CSMD1: variants seen among roughly 807,000 people sequenced by gnomAD.
CSMD1 encodes the protein CUB and sushi domain-containing protein 1.
CSMD1 carries 213 observed loss-of-function variants against 417.5 expected under a neutral mutation model. The observed-to-expected ratio is 0.51, with a 90% confidence interval of 0.46 to 0.57. The LOEUF is 0.57. Among genes scored for constraint, CSMD1 ranks in the 20% least tolerant of loss-of-function variants. The pLI is 0.00. For missense variants in CSMD1, 6,923 were observed against 4,529.7 expected (o/e 1.53, Z -15.17); for synonymous variants, 2,862 against 1,736.8 (o/e 1.65, Z -16.11).
chr8:3,017,160 G>C (rs13276110), intron 52 of CSMD1, among the ~76,000 whole-genome samples: 104 of 152,224 alleles, frequency 6.8e-4, no homozygotes, highest in African/African-American at 2.4e-3. Flanking sequence ...ATTACTAATA[G>C]AGATGTGGTA....
chr8:3,584,243 G>C (rs2116989043), intron 9 of CSMD1, among the ~76,000 whole-genome samples: 1 of 152,264 alleles, frequency 6.6e-6, no homozygotes, highest in Non-Finnish European at 1.5e-5. Flanking sequence ...GATTGACAAA[G>C]CCAGGCACTC....
At chr8:4,487,939 G>T (rs1801498261) in intron 2 of CSMD1, among the ~76,000 whole-genome samples, 2 of 152,158 alleles carry the variant, frequency 1.3e-5, no homozygotes, top group Admixed American at 1.3e-4. Context: ...CTGTGTCGTA[G>T]ACTGAATGTT....
intron 1 of CSMD1, among the ~76,000 whole-genome samples, chr8:4,754,333 T>G (rs1363255499): frequency 6.6e-6 from 1 of 152,202 alleles, no homozygotes; most frequent in African/African-American, 2.4e-5. Flanking sequence ...ACATTCAACT[T>G]GAAACCTTGT....
intron 1 of CSMD1, among the ~76,000 whole-genome samples, chr8:4,885,495 G>A (rs1467105026): frequency 6.6e-6 from 1 of 151,960 alleles, no homozygotes; most frequent in Non-Finnish European, 1.5e-5. Context: ...TTATCAAGTT[G>A]AGAAACACCA....
At chr8:2,979,837 A>C (rs1805256604) in intron 54 of CSMD1, among the ~76,000 whole-genome samples, 1 of 152,266 alleles carries the variant, frequency 6.6e-6, no homozygotes, top group Non-Finnish European at 1.5e-5. Flanking sequence ...AAGCCAAAAC[A>C]AACAAAAAGC....
At chr8:4,586,694 G>A (rs375157226) in intron 2 of CSMD1, among the ~76,000 whole-genome samples, 4 of 151,806 alleles carry the variant, frequency 2.6e-5, no homozygotes, top group African/African-American at 7.3e-5. Context: ...ATGAAATACC[G>A]CCACACCATA....
intron 49 of CSMD1, among the ~76,000 whole-genome samples, chr8:3,058,819 T>C (rs1446855992): frequency 6.6e-6 from 1 of 152,046 alleles, no homozygotes; most frequent in African/African-American, 2.4e-5. Flanking sequence ...ACACCTGCTA[T>C]ATAATTCCCC....
At chr8:3,310,150 T>G (rs1312018780) in intron 23 of CSMD1, among the ~76,000 whole-genome samples, 1 of 152,224 alleles carries the variant, frequency 6.6e-6, no homozygotes, top group Non-Finnish European at 1.5e-5. Flanking sequence ...ACCTCCGGTT[T>G]CAGGGTCATT....
intron 5 of CSMD1, among the ~76,000 whole-genome samples, chr8:3,810,382 T>C (rs552825953): frequency 1.3e-5 from 2 of 152,312 alleles, no homozygotes; most frequent in East Asian, 1.9e-4. Flanking sequence ...TTGGGAAATA[T>C]GGTGACCCTT....
At chr8:4,179,980 G>T (rs910131364) in intron 3 of CSMD1, among the ~76,000 whole-genome samples, 19 of 152,094 alleles carry the variant, frequency 1.2e-4, no homozygotes, top group African/African-American at 4.6e-4. Flanking sequence ...ACTGTTAGTG[G>T]GACTGTAAAC....
chr8:3,853,501 C>T (rs929028711), intron 5 of CSMD1, among the ~76,000 whole-genome samples: 1 of 152,166 alleles, frequency 6.6e-6, no homozygotes, highest in African/African-American at 2.4e-5. Flanking sequence ...AGACACTTCT[C>T]AAGCATCAAT....
In CSMD1 at chr8:4,284,790, C is replaced by T. The variant is rs181379559; in HGVS notation, c.415+135163G>A. ...CTTGCCTGGCTCTTTCCAAAAACCA[C>T]ACATATTTTACAAACTTCAATATAT... On this transcript the variant is annotated intron_variant, in intron 3 of 69. Transcript: ENST00000635120. 3.4e-3 allele frequency among the ~76,000 whole-genome samples: 521 copies of T among 152,186 alleles called. 4 individuals are homozygous for T. The highest frequency in any genetic ancestry group is 0.012 in the African/African-American group (495 of 41,498).
At chr8:4,257,700 G>A (rs1020433194) in intron 3 of CSMD1, among the ~76,000 whole-genome samples, 3 of 152,278 alleles carry the variant, frequency 2.0e-5, no homozygotes, top group Admixed American at 6.5e-5. Flanking sequence ...GGATTCTAAC[G>A]TCAGTGTCAC....
At chr8:4,657,286 T>C (rs1257045142) in intron 1 of CSMD1, among the ~76,000 whole-genome samples, 1 of 152,206 alleles carries the variant, frequency 6.6e-6, no homozygotes, top group East Asian at 1.9e-4. Flanking sequence ...GTAAAAAGCC[T>C]GGCGAAGTGT....
chr8:3,908,836 G>C (rs143482580), intron 5 of CSMD1, among the ~76,000 whole-genome samples: 1 of 152,146 alleles, frequency 6.6e-6, no homozygotes, highest in East Asian at 1.9e-4. Flanking sequence ...GAGGACCAAC[G>C]ACATTTTGAC....
intron 38 of CSMD1, among the ~76,000 whole-genome samples, chr8:3,161,609 C>T (rs952681129): frequency 3.1e-5 from 4 of 127,630 alleles, no homozygotes; most frequent in Admixed American, 9.7e-5. Flanking sequence ...GGTGACAGAG[C>T]GAGACTCCCT....
chr8:3,875,082 G>A (rs766027637), intron 5 of CSMD1, among the ~76,000 whole-genome samples: 2 of 151,898 alleles, frequency 1.3e-5, no homozygotes, highest in Non-Finnish European at 1.5e-5. Flanking sequence ...ACAGAAAGGT[G>A]CCTGGGGACC....
At chr8:3,886,885 G>A (rs1019681456) in intron 5 of CSMD1, among the ~76,000 whole-genome samples, 1 of 152,250 alleles carries the variant, frequency 6.6e-6, no homozygotes, top group Admixed American at 6.5e-5. Flanking sequence ...GCTCTCGCAT[G>A]GTAATGATTC....
At chr8:4,309,182 G>A (rs547709245) in intron 3 of CSMD1, among the ~76,000 whole-genome samples, 1 of 152,142 alleles carries the variant, frequency 6.6e-6, no homozygotes, top group African/African-American at 2.4e-5. Flanking sequence ...TGGAGATTCT[G>A]AAGGTTACTT....
Sources: gnomAD v4.1 joint callset for allele counts (sites outside exome capture counted in the v4.1 genomes callset) on GRCh38, gnomAD v4.1.1 for gene constraint, MANE v1.5 for transcripts, NCBI Gene and HGNC (gene_info 2026-07-23, HGNC 2026-07-21) for gene names.